The following SLAMF6 variants were observed in gnomAD, a reference collection of about 807,000 sequenced individuals.
SLAMF6 encodes NK-T-B-antigen.
A neutral mutation model predicts 38.3 loss-of-function variants in SLAMF6; 21 were observed. That is an observed-to-expected ratio of 0.55 (90% CI 0.39 to 0.79). The LOEUF (loss-of-function observed/expected upper bound fraction) is 0.79, where lower values mean the gene tolerates loss of function less well. Ranked by LOEUF, SLAMF6 falls within the 30% of genes least tolerant of loss-of-function variation. The pLI is 0.00. For missense variants in SLAMF6, 341 were observed against 385.3 expected (o/e 0.89, Z 0.96); for synonymous variants, 152 against 146.3 (o/e 1.04, Z -0.28).
chr1:160,491,849 G>A (rs1653321509), intron 2 of SLAMF6, among the ~76,000 whole-genome samples: 1 of 152,172 alleles, frequency 6.6e-6, no homozygotes, highest in East Asian at 1.9e-4. Flanking sequence ...TTACCTAATT[G>A]GGGTGGAAGA....
intron 1 of SLAMF6, among the ~76,000 whole-genome samples, chr1:160,502,641 C>A (rs1375501672): frequency 6.6e-6 from 1 of 152,042 alleles, no homozygotes; most frequent in East Asian, 1.9e-4. Flanking sequence ...TGAAAATTGG[C>A]AAAGTATAAA....
At chr1:160,502,066 T>C (rs550363030) in intron 1 of SLAMF6, among the ~76,000 whole-genome samples, 40 of 152,198 alleles carry the variant, frequency 2.6e-4, no homozygotes, top group Non-Finnish European at 4.4e-4. Context: ...GGCCAAGGTG[T>C]TGTGGTGTGG....
At position 160,486,683 on chromosome 1, in the gene SLAMF6, A is replaced by G. The variant is rs758887198; in HGVS notation, c.*24T>C. 4.3e-6 allele frequency: 7 copies of G among 1,609,922 alleles called. No homozygotes were observed. In the African/African-American group the frequency reaches 5.3e-5, roughly 12 times the overall value. ...GGATCAGAAGACGTGTCATTCCCGA[A>G]TTCCTCTGAGGCCTTTCAGCAACTT... On this transcript the variant is annotated 3_prime_UTR_variant, in exon 8 of 8. Coordinates refer to ENST00000368057, the MANE Select transcript of SLAMF6 (RefSeq NM_001184714.2).
intron 1 of SLAMF6, among the ~76,000 whole-genome samples, chr1:160,505,472 G>A (rs894247466): frequency 6.6e-6 from 1 of 152,208 alleles, no homozygotes; most frequent in African/African-American, 2.4e-5. Flanking sequence ...TGTGATCTCA[G>A]CTCACTGCAA....
intron 6 of SLAMF6, among the ~76,000 whole-genome samples, chr1:160,487,734 C>G (rs546356898): frequency 6.6e-6 from 1 of 152,218 alleles, no homozygotes; most frequent in South Asian, 2.1e-4. Flanking sequence ...GTCCCTACGG[C>G]CCTCAAAGAA....
At position 160,491,159 on chromosome 1, in the gene SLAMF6, T is replaced by A; in HGVS notation, c.612A>T (p.Leu204Phe). 6.2e-7 allele frequency: 1 copy of A among 1,613,990 alleles called. No individual in the cohort carries two copies. The highest frequency in any genetic ancestry group is 8.5e-7 in the Non-Finnish European group (1 of 1,179,956). Residue 204 changes from leucine (L) to phenylalanine (F), a missense_variant, in exon 3 of 8, where the codon TTA (leucine) becomes TTT (phenylalanine). Physicochemically the swap from Leu to Phe is conservative, Grantham distance 22. Coordinates refer to ENST00000368057, the MANE Select transcript of SLAMF6 (RefSeq NM_001184714.2). ...TCIAENAVSN[L>F]SFSVSAQKLC... ...GCTTCTGGGCAGAGACAGAGAAGGA[T>A]AAATTACTGACAGCATTCTCTGCTA...
At chr1:160,495,950 A>C in intron 2 of SLAMF6, 111 bp downstream of exon 2, 1 of 971,118 alleles carries the variant, frequency 1.0e-6, no homozygotes, top group East Asian at 2.4e-5. Flanking sequence ...AATGACTCCA[A>C]ATGCCATATT....
chr1:160,496,214 C>T lies in SLAMF6; in HGVS notation c.229G>A (p.Val77Met), dbSNP rs139887340. The stretch of plus-strand genomic sequence containing the variant: ...CGCTTTCCCTGTTTCGGATTAGTCA[C>T]GTGGATTTCTGGACTTTTGGTTTCA... ...PHETKSPEIH[V>M]TNPKQGKRLN... The change falls in exon 2 of 8, where the codon GTG becomes ATG. Residue 77 changes from valine (V) to methionine (M), a missense_variant. Physicochemically the swap from Val to Met is conservative, Grantham distance 21. Transcript: ENST00000368057. 62 of 1,613,860 alleles carry T rather than the reference C, an allele frequency of 3.8e-5. No homozygotes were observed. In the African/African-American group the frequency reaches 6.0e-4, roughly 16 times the overall value.
At chr1:160,519,789 G>C (rs969054711) in intron 1 of SLAMF6, among the ~76,000 whole-genome samples, 1 of 151,664 alleles carries the variant, frequency 6.6e-6, no homozygotes, top group South Asian at 2.1e-4. Flanking sequence ...CCAGGGGCTG[G>C]GGGGGAGGGG....
intron 6 of SLAMF6, among the ~76,000 whole-genome samples, chr1:160,488,116 A>G (rs1340288414): frequency 6.6e-6 from 1 of 151,780 alleles, no homozygotes; most frequent in African/African-American, 2.4e-5. Flanking sequence ...CCAAAAAACA[A>G]AAAACAAACC....
rs372007320 is a variant in SLAMF6, at chr1:160,491,108, C to T, written c.646+17G>A. 8.1e-6 allele frequency: 13 copies of T among 1,612,532 alleles called. No individual in the cohort carries two copies. The highest frequency in any genetic ancestry group is 1.7e-5 in the Admixed American group (1 of 60,006). ...CCATAGCTGCTCAAGGCTCTCAGAC[C>T]TGAGGCAGGCTGTTACCTTCGCAAA... On this transcript the variant is annotated intron_variant, in intron 3 of 7. Transcript: ENST00000368057.
At chr1:160,518,775 CA>C (rs979801122) in intron 1 of SLAMF6, among the ~76,000 whole-genome samples, 4 of 150,336 alleles carry the variant, frequency 2.7e-5, no homozygotes, top group Non-Finnish European at 3.0e-5. Context: ...GGGGGTGGGG[CA>C]GGGGGGAGAG....
chr1:160,514,734 A>G (rs1471459018), intron 1 of SLAMF6, among the ~76,000 whole-genome samples: 3 of 152,346 alleles, frequency 2.0e-5, no homozygotes, highest in Middle Eastern at 6.8e-3. Flanking sequence ...TAGAAATTGA[A>G]CAACCTGCTC....
chr1:160,499,473 G>C (rs1197236753), intron 1 of SLAMF6, among the ~76,000 whole-genome samples: 1 of 151,994 alleles, frequency 6.6e-6, no homozygotes, highest in African/African-American at 2.4e-5. Context: ...CTTATGGTAT[G>C]GTTCAAAGTC....
In SLAMF6 at chr1:160,486,617, A is replaced by G. The variant is rs912307729; in HGVS notation, c.*90T>C. On this transcript the variant is annotated 3_prime_UTR_variant, in exon 8 of 8. Coordinates refer to ENST00000368057, the MANE Select transcript of SLAMF6 (RefSeq NM_001184714.2). ...AGATATTCAAATTCTGTTGCCAGGA[A>G]CAACAGGAACCAAGCTTCCTGTTCT... 10 of 1,359,274 alleles carry G rather than the reference A, an allele frequency of 7.4e-6. No homozygotes were observed. Among genetic ancestry groups the G allele is most frequent in the Non-Finnish European group, 9.4e-6 (9 of 954,908 alleles). The allele number at this position is 1,359,274 out of a possible 1,614,324, so 84.2% of individuals were successfully genotyped here.
At chr1:160,511,125 ATAATAT>A (rs1654450446) in intron 1 of SLAMF6, among the ~76,000 whole-genome samples, 1 of 152,210 alleles carries the variant, frequency 6.6e-6, no homozygotes, top group Non-Finnish European at 1.5e-5. Context: ...TAATTGGAAG[ATAATAT>A]TAATATGCCG....
chr1:160,500,571 T>C lies in SLAMF6; in HGVS notation c.50-4178A>G, dbSNP rs1653832633. On this transcript the variant is annotated intron_variant, in intron 1 of 7. Coordinates refer to ENST00000368057, the MANE Select transcript of SLAMF6 (RefSeq NM_001184714.2). ...ATCCACCCTTGCACATCCAGCTGCC[T>C]TTGGATTTACCATCTAGTACTTACC... Among the ~76,000 whole-genome samples, 3 of 152,154 alleles carry C rather than the reference T, an allele frequency of 2.0e-5. No individual in the cohort carries two copies. The South Asian group carries it at 6.2e-4, about 31-fold the overall frequency.
chr1:160,496,566 A>G (rs3795326), intron 1 of SLAMF6, among the ~76,000 whole-genome samples, 173 bp from the exon 2 acceptor site: 33,624 of 152,072 alleles, frequency 0.22, 3,832 homozygotes, highest in Admixed American at 0.27. Context: ...TCACAGTCCC[A>G]GAGCTTCACC....
intron 2 of SLAMF6, among the ~76,000 whole-genome samples, chr1:160,493,812 G>T (rs964536254): frequency 1.3e-5 from 2 of 152,098 alleles, no homozygotes; most frequent in Non-Finnish European, 2.9e-5. Context: ...CAATCATGAC[G>T]GAAGGGCAAG....
Sources: gnomAD v4.1 joint callset for allele counts (sites outside exome capture counted in the v4.1 genomes callset) on GRCh38, gnomAD v4.1.1 for gene constraint, MANE v1.5 for transcripts, NCBI Gene and HGNC (gene_info 2026-07-23, HGNC 2026-07-21) for gene names.